Variants in SH3RF2 observed in about 807,000 individuals in gnomAD.
SH3RF2 encodes E3 ubiquitin-protein ligase SH3RF2.
Under a neutral mutation model 59.0 loss-of-function variants are expected in SH3RF2, and 43 were observed. The observed-to-expected ratio is 0.73, with a 90% CI of 0.57 to 0.94. SH3RF2 has a LOEUF of 0.94. Ranked by LOEUF, SH3RF2 falls within the 40% of genes least tolerant of loss-of-function variation. The pLI is 0.00. For missense variants in SH3RF2, 930 were observed against 940.1 expected, an observed-to-expected ratio of 0.99 and a Z score of 0.14; for synonymous variants, 391 against 391.5, an observed-to-expected ratio of 1.00 and a Z score of 0.01.
intron 2 of SH3RF2, among the ~76,000 whole-genome samples, chr5:145,962,430 T>C (rs773202787): frequency 3.3e-5 from 5 of 152,274 alleles, no homozygotes; most frequent in Admixed American, 6.5e-5. Context: ...CAATGCCTTA[T>C]TAATTCTCTT....
At chr5:145,967,668 T>C (rs1035703084) in intron 2 of SH3RF2, among the ~76,000 whole-genome samples, 2 of 152,128 alleles carry the variant, frequency 1.3e-5, no homozygotes, top group Admixed American at 1.3e-4. Flanking sequence ...CTTTCTTTCT[T>C]TTTTTTCTGA....
In SH3RF2 at chr5:146,020,485, C is replaced by A. The variant is rs182129032; in HGVS notation, c.1059+6424C>A. On this transcript the variant is annotated intron_variant, in intron 5 of 9. Transcript: ENST00000359120. ...TTATTTTTGTTGCATTCACCTGTTG[C>A]CCTCATATCCATACCCCAAGGCCCT... Among the ~76,000 whole-genome samples, 8 of 152,178 alleles carry A rather than the reference C, an allele frequency of 5.3e-5. No individual in the cohort carries two copies. The East Asian group carries it at 1.5e-3, about 29-fold the overall frequency.
At chr5:146,022,934 A>C (rs1761386339) in intron 5 of SH3RF2, among the ~76,000 whole-genome samples, 1 of 151,544 alleles carries the variant, frequency 6.6e-6, no homozygotes, top group African/African-American at 2.4e-5. Flanking sequence ...ATTCCTTAAA[A>C]ACATTAAATA....
In SH3RF2 at chr5:145,937,839, T is replaced by C; in HGVS notation, c.-90T>C. Reference sequence around the variant, plus strand: ...TTCAAGCAGGCAAAAATTCTGACGTTCTCAAGAGACCAGCTCTGCCCCCGT... The same window carrying C: ...TTCAAGCAGGCAAAAATTCTGACGTCCTCAAGAGACCAGCTCTGCCCCCGT... On this transcript the variant is annotated 5_prime_UTR_variant, in exon 2 of 10. Transcript: ENST00000359120. The C allele has an allele frequency of 6.7e-7, 1 of 1,485,880 alleles. No individual in the cohort carries two copies. Among genetic ancestry groups the C allele is most frequent in the Non-Finnish European group, 9.0e-7 (1 of 1,113,614 alleles). The allele number at this position is 1,485,880 out of a possible 1,614,324, so 92.0% of individuals were successfully genotyped here.
chr5:146,002,208 T>C (rs1360117961), intron 3 of SH3RF2, among the ~76,000 whole-genome samples: 1 of 152,200 alleles, frequency 6.6e-6, no homozygotes, highest in Admixed American at 6.5e-5. Flanking sequence ...CCCAGCACTT[T>C]GGGAGACCGC....
downstream of SH3RF2, among the ~76,000 whole-genome samples, chr5:146,067,327 A>G (rs974627591): frequency 7.9e-5 from 12 of 152,194 alleles, no homozygotes; most frequent in African/African-American, 2.9e-4. Flanking sequence ...CTTCAAATAA[A>G]TGAACATTCA....
chr5:145,959,959 A>T (rs1758568779), intron 2 of SH3RF2, among the ~76,000 whole-genome samples: 1 of 152,212 alleles, frequency 6.6e-6, no homozygotes, highest in Non-Finnish European at 1.5e-5. Context: ...TGTAATTAAC[A>T]AAACCTAGAT....
chr5:145,959,044 G>A (rs756558224), intron 2 of SH3RF2, among the ~76,000 whole-genome samples: 4 of 152,274 alleles, frequency 2.6e-5, no homozygotes, highest in Non-Finnish European at 5.9e-5. Flanking sequence ...GGGAAAAGCT[G>A]TCCAGAGAGA....
intron 5 of SH3RF2, among the ~76,000 whole-genome samples, chr5:146,029,722 G>C (rs975510731): frequency 2.0e-5 from 3 of 152,252 alleles, no homozygotes; most frequent in East Asian, 1.9e-4. Context: ...CAAGATATGG[G>C]CCCCTATATC....
In SH3RF2 at chr5:146,058,138, G is replaced by C. The variant is rs545141075; in HGVS notation, c.1556-1728G>C. 5.9e-5 allele frequency among the ~76,000 whole-genome samples: 9 copies of C among 152,068 alleles called. No individual in the cohort carries two copies. The South Asian group carries it at 1.9e-3, about 32-fold the overall frequency. On this transcript the variant is annotated intron_variant, in intron 8 of 9. Transcript: ENST00000359120. ...AAAACCTTGATTGGCATGGAGCCTC[G>C]ACTGCTTGCATTGTATACACATGTA...
intron 8 of SH3RF2, among the ~76,000 whole-genome samples, chr5:146,056,718 T>C (rs1762684141): frequency 6.6e-6 from 1 of 152,218 alleles, no homozygotes; most frequent in Non-Finnish European, 1.5e-5. Context: ...AGGTTTACAG[T>C]ATACGAACTG....
At chr5:146,038,094 T>C (rs11744037) in intron 5 of SH3RF2, among the ~76,000 whole-genome samples, 50,174 of 151,930 alleles carry the variant, frequency 0.33, 8,747 homozygotes, top group Non-Finnish European at 0.38. Context: ...ATATTTTCAA[T>C]AGGTACAGAA....
intron 2 of SH3RF2, among the ~76,000 whole-genome samples, chr5:145,973,094 G>A (rs1356783797): frequency 6.6e-6 from 1 of 152,188 alleles, no homozygotes; most frequent in Non-Finnish European, 1.5e-5. Flanking sequence ...AGGCATTCTA[G>A]AGTAAATGAC....
intron 9 of SH3RF2, among the ~76,000 whole-genome samples, chr5:146,071,457 C>T (rs1763239500): frequency 6.6e-6 from 1 of 152,238 alleles, no homozygotes; most frequent in South Asian, 2.1e-4. Flanking sequence ...ATCAGAACTA[C>T]ATTTCTAAAT....
intron 2 of SH3RF2, among the ~76,000 whole-genome samples, chr5:145,957,536 G>A (rs1758462219): frequency 6.6e-6 from 1 of 152,046 alleles, no homozygotes. Flanking sequence ...TTTAACTATT[G>A]CAGCCCCTAT....
At chr5:146,007,295 A>C (rs1041293271) in intron 4 of SH3RF2, among the ~76,000 whole-genome samples, 9 of 152,150 alleles carry the variant, frequency 5.9e-5, no homozygotes, top group Non-Finnish European at 1.2e-4. Flanking sequence ...TGTGGATTCG[A>C]CCCATAGGTT....
At chr5:146,026,273 T>C (rs1761526601) in intron 5 of SH3RF2, among the ~76,000 whole-genome samples, 1 of 152,158 alleles carries the variant, frequency 6.6e-6, no homozygotes, top group Non-Finnish European at 1.5e-5. Context: ...ATATATAACA[T>C]CTTTGAGCCA....
chr5:145,938,351 G>GGAT, intron 2 of SH3RF2, 45 bp downstream of exon 2: 1 of 1,496,076 alleles, frequency 6.7e-7, no homozygotes, highest in Non-Finnish European at 8.9e-7. Context: ...CATAGAGGTT[G>GGAT]GATTTGTGTA....
chr5:146,073,115 G>C (rs1257326878), intron 9 of SH3RF2, among the ~76,000 whole-genome samples: 2 of 152,210 alleles, frequency 1.3e-5, no homozygotes, highest in African/African-American at 4.8e-5. Context: ...AGCTCTGAAG[G>C]ACAAGAAATC....
Sources: gnomAD v4.1 joint callset for allele counts (sites outside exome capture counted in the v4.1 genomes callset) on GRCh38, gnomAD v4.1.1 for gene constraint, MANE v1.5 for transcripts, NCBI Gene and HGNC (gene_info 2026-07-23, HGNC 2026-07-21) for gene names.